The following OPA1 variants were observed in gnomAD, a reference collection of about 807,000 sequenced individuals.
OPA1 encodes the protein OPA1 mitochondrial dynamin like GTPase, also known as dynamin-like GTPase OPA1, mitochondrial.
A neutral mutation model predicts 152.9 loss-of-function variants in OPA1; 59 were observed. The observed-to-expected ratio is 0.39, with a 90% CI of 0.31 to 0.48. The LOEUF (loss-of-function observed/expected upper bound fraction) is 0.48. Ranked by LOEUF, OPA1 falls within the 20% of genes least tolerant of loss-of-function variation. OPA1 has a pLI of 0.96. For missense variants in OPA1, 1,008 were observed against 1,216.8 expected, an observed-to-expected ratio of 0.83 and a Z score of 2.55; for synonymous variants, 400 against 389.9, an observed-to-expected ratio of 1.03 and a Z score of -0.31.
rs758223005 is a variant in OPA1, at chr3:193,642,840, G to C, written c.1225G>C (p.Glu409Gln). Residue 409 changes from glutamate (E) to glutamine (Q), a missense_variant, in exon 12 of 31, where the codon GAA becomes CAA. Physicochemically the swap from Glu to Gln is conservative, Grantham distance 29. This residue lies in a region of OPA1 where 213 missense variants were observed against 291.4 expected (regional missense o/e 0.73). Coordinates refer to ENST00000361510, the MANE Select transcript of OPA1 (RefSeq NM_130837.3). ...TCGGGAGTTTGATCTTACCAAAGAA[G>C]AAGATGTAAGTAAAATTCATCTAAG... Reference protein sequence around the residue: ...SSREFDLTKEEDLAALRHEIE... With the variant: ...SSREFDLTKEQDLAALRHEIE... The C allele has an allele frequency of 3.1e-6, 5 of 1,610,192 alleles. No individual in the cohort carries two copies. In the African/African-American group the frequency reaches 5.3e-5, roughly 17 times the overall value.
At chr3:193,642,731 A>G (rs763016814) in intron 11 of OPA1, 34 bp from the exon 12 acceptor site, 4 of 1,436,360 alleles carry the variant, frequency 2.8e-6, no homozygotes, top group South Asian at 1.1e-5. Flanking sequence ...ACTTATAAAT[A>G]CATCATTACC....
At chr3:193,622,436 C>T (rs774264617) in intron 6 of OPA1, among the ~76,000 whole-genome samples, 1 of 151,970 alleles carries the variant, frequency 6.6e-6, no homozygotes, top group African/African-American at 2.4e-5. Flanking sequence ...ACCAGGTTGG[C>T]CAGGATGGTC....
At position 193,614,758 on chromosome 3, in the gene OPA1, G is replaced by T. The variant is rs1479866542; in HGVS notation, c.68G>T (p.Gly23Val). ...VCQSLVKHSSGIKGSLPLQKL... is the reference protein window; with the variant it reads ...VCQSLVKHSSVIKGSLPLQKL... ...CAGTCTTTAGTGAAACACAGCTCTG[G>T]AATAAAAGGAAGTTTACCACTACAA... is the stretch of plus-strand genomic sequence containing the variant. Residue 23 changes from glycine to valine, a missense_variant, in exon 2 of 31, where the codon GGA becomes GTA. This residue lies in a region of OPA1 where 408 missense variants were observed against 395.1 expected (regional missense o/e 1.03). Transcript: ENST00000361510. 1.9e-6 allele frequency: 3 copies of T among 1,613,972 alleles called. No homozygotes were observed. The South Asian group carries it at 3.3e-5, about 18-fold the overall frequency.
At chr3:193,675,327 GAAAAAAAAAAAA>G (rs988338349) in intron 29 of OPA1, among the ~76,000 whole-genome samples, 8 of 63,406 alleles carry the variant, frequency 1.3e-4, no homozygotes, top group African/African-American at 3.0e-4. Flanking sequence ...TTTTTTTTAA[GAAAAAAAAAAAA>G]AAAAAAAAAA....
At chr3:193,687,781 T>C (rs1721114835) in intron 29 of OPA1, among the ~76,000 whole-genome samples, 1 of 152,218 alleles carries the variant, frequency 6.6e-6, no homozygotes, top group Non-Finnish European at 1.5e-5. Context: ...TGAATGAATT[T>C]ATGAGAAATA....
intron 19 of OPA1, among the ~76,000 whole-genome samples, chr3:193,647,476 T>C (rs1734849982): frequency 6.6e-6 from 1 of 152,192 alleles, no homozygotes; most frequent in African/African-American, 2.4e-5. Flanking sequence ...ATTCACCCTG[T>C]TGAGGATGAA....
intron 23 of OPA1, 101 bp downstream of exon 23, chr3:193,657,333 G>A (rs947468122): frequency 1.3e-5 from 15 of 1,135,258 alleles, no homozygotes; most frequent in Non-Finnish European, 1.8e-5. Flanking sequence ...ATTACATTCT[G>A]AATTAAAAAT....
Position 193,645,819 on chromosome 3 carries a change from C to G in OPA1, c.1754+19C>G. On this transcript the variant is annotated intron_variant, in intron 18 of 30. Transcript: ENST00000361510. Reference sequence around the variant, plus strand: ...TCCTAAAGTAGGTATCTTGTTAAAACATTTAAACATTTTACAGTAAGAGAG... The same window carrying G: ...TCCTAAAGTAGGTATCTTGTTAAAAGATTTAAACATTTTACAGTAAGAGAG... 6.4e-7 allele frequency: 1 copy of G among 1,558,200 alleles called. No homozygotes were observed. Among genetic ancestry groups the G allele is most frequent in the East Asian group, 2.2e-5 (1 of 44,484 alleles).
At chr3:193,635,339 G>T in intron 8 of OPA1, 79 bp from the exon 9 acceptor site, 1 of 848,320 alleles carries the variant, frequency 1.2e-6, no homozygotes, top group Non-Finnish European at 2.0e-6. Context: ...TCAAGATTTT[G>T]GAAGATTTTA....
intron 29 of OPA1, among the ~76,000 whole-genome samples, chr3:193,676,585 G>A (rs1318417797): frequency 6.6e-6 from 1 of 152,156 alleles, no homozygotes; most frequent in African/African-American, 2.4e-5. Flanking sequence ...ACATGACAAC[G>A]CCTGAGTGGT....
At chr3:193,659,700 A>G (rs1714759472) in intron 25 of OPA1, 139 bp downstream of exon 25, 5 of 683,254 alleles carry the variant, frequency 7.3e-6, no homozygotes, top group African/African-American at 7.3e-5. Context: ...CTAAAATATA[A>G]TGAATCTTTA....
At chr3:193,677,587 G>A (rs1455259673) in intron 29 of OPA1, among the ~76,000 whole-genome samples, 1 of 152,168 alleles carries the variant, frequency 6.6e-6, no homozygotes, top group Non-Finnish European at 1.5e-5. Flanking sequence ...AGGGATTGGT[G>A]GATTGATGCA....
chr3:193,595,774 C>T (rs1001103482), intron 1 of OPA1, among the ~76,000 whole-genome samples: 26 of 152,016 alleles, frequency 1.7e-4, no homozygotes, highest in Admixed American at 2.6e-4. Flanking sequence ...ACGTTTTTCT[C>T]TCTTATTTTT....
intron 11 of OPA1, among the ~76,000 whole-genome samples, chr3:193,640,244 G>A (rs1733565178): frequency 6.6e-6 from 1 of 152,176 alleles, no homozygotes; most frequent in Admixed American, 6.5e-5. Context: ...GAAGCAAGCA[G>A]TATATTCTGG....
At chr3:193,609,802 T>A (rs1266299015) in intron 1 of OPA1, among the ~76,000 whole-genome samples, 2 of 152,230 alleles carry the variant, frequency 1.3e-5, no homozygotes, top group Non-Finnish European at 2.9e-5. Context: ...CTTCCATCAC[T>A]GATACCCTTT....
intron 29 of OPA1, among the ~76,000 whole-genome samples, chr3:193,690,576 C>T (rs932119812): frequency 1.3e-4 from 19 of 151,940 alleles, no homozygotes; most frequent in Admixed American, 7.9e-4. Context: ...TATATCCAAC[C>T]GTGGTAGGCT....
chr3:193,636,854 C>CT (rs11311374), intron 9 of OPA1, among the ~76,000 whole-genome samples: 2 of 151,650 alleles, frequency 1.3e-5, no homozygotes, highest in African/African-American at 4.8e-5. Context: ...ACCTGACCAC[C>CT]TTTTTTTTGC....
At chr3:193,671,675 A>T (rs1309471427) in intron 29 of OPA1, among the ~76,000 whole-genome samples, 2 of 152,252 alleles carry the variant, frequency 1.3e-5, no homozygotes, top group East Asian at 1.9e-4. Flanking sequence ...ATAATGCATG[A>T]TTACAACAAA....
At chr3:193,684,676 C>T (rs1420139232) in intron 29 of OPA1, among the ~76,000 whole-genome samples, 1 of 152,006 alleles carries the variant, frequency 6.6e-6, no homozygotes, top group Admixed American at 6.6e-5. Context: ...ATCTTGAACT[C>T]CTGACCTCAT....
Sources: gnomAD v4.1 joint callset for allele counts (sites outside exome capture counted in the v4.1 genomes callset) on GRCh38, gnomAD v4.1.1 for gene constraint, gnomAD v4.1.1 regional missense constraint, MANE v1.5 for transcripts, NCBI Gene and HGNC (gene_info 2026-07-23, HGNC 2026-07-21) for gene names.